GPC6: variants seen among roughly 807,000 people sequenced by gnomAD.
GPC6 encodes the protein glypican 6.
GPC6 carries 14 observed loss-of-function variants against 55.2 expected under a neutral mutation model. The ratio of observed to expected loss-of-function variants is 0.25; its 90% CI spans 0.17 to 0.40. GPC6 has a LOEUF of 0.40. GPC6 is among the 10% of genes least tolerant of loss of function. The pLI, the probability that GPC6 is intolerant of heterozygous loss-of-function variation, is 1.00. For missense variants in GPC6, 641 were observed against 708.5 expected, an observed-to-expected ratio of 0.90 and a Z score of 1.08; for synonymous variants, 278 against 259.6, an observed-to-expected ratio of 1.07 and a Z score of -0.68.
intron 2 of GPC6, among the ~76,000 whole-genome samples, chr13:93,551,603 T>G (rs542759348): frequency 7.2e-5 from 11 of 152,286 alleles, no homozygotes; most frequent in Admixed American, 6.5e-4. Context: ...ACTGTCTTCC[T>G]AAGGTTCATA....
At chr13:93,470,824 G>A (rs755814483) in intron 1 of GPC6, among the ~76,000 whole-genome samples, 18 of 150,500 alleles carry the variant, frequency 1.2e-4, no homozygotes, top group East Asian at 5.8e-4. Flanking sequence ...CTTTTAAATC[G>A]GATGATAAAT....
At chr13:93,281,772 T>C (rs1487126038) in intron 1 of GPC6, among the ~76,000 whole-genome samples, 1 of 152,162 alleles carries the variant, frequency 6.6e-6, no homozygotes, top group Admixed American at 6.5e-5. Flanking sequence ...GCCACGATCA[T>C]GCCAGTGTAC....
intron 2 of GPC6, among the ~76,000 whole-genome samples, chr13:93,787,932 A>T (rs1885866211): frequency 1.3e-5 from 2 of 152,174 alleles, no homozygotes. Context: ...TGAGACATTC[A>T]TTGCAGAAGT....
At chr13:93,887,864 A>G (rs1215873894) in intron 3 of GPC6, among the ~76,000 whole-genome samples, 3 of 152,102 alleles carry the variant, frequency 2.0e-5, no homozygotes, top group African/African-American at 4.8e-5. Context: ...TAAAAATATA[A>G]TGGACCCATA....
At chr13:93,474,472 C>G (rs1879233319) in intron 1 of GPC6, among the ~76,000 whole-genome samples, 1 of 152,096 alleles carries the variant, frequency 6.6e-6, no homozygotes, top group Non-Finnish European at 1.5e-5. Flanking sequence ...AAGCAGAGTG[C>G]TGAGACTTTA....
At chr13:93,340,281 G>A (rs1880207582) in intron 1 of GPC6, among the ~76,000 whole-genome samples, 3 of 151,894 alleles carry the variant, frequency 2.0e-5, no homozygotes, top group Admixed American at 6.6e-5. Flanking sequence ...TGATCTGCCC[G>A]CCTCGGCCTC....
intron 2 of GPC6, among the ~76,000 whole-genome samples, chr13:93,553,139 C>G (rs1455932101): frequency 6.6e-6 from 1 of 152,148 alleles, no homozygotes; most frequent in South Asian, 2.1e-4. Flanking sequence ...AAACCACTCA[C>G]TCTCTCTGGG....
rs570128283 is a variant in GPC6 at position 93,543,764 on chromosome 13, C to T, written c.161-1499C>T. Among the ~76,000 whole-genome samples, 269 of 152,148 alleles carry T rather than the reference C, an allele frequency of 1.8e-3. 2 individuals are homozygous for T. The highest frequency in any genetic ancestry group is 6.2e-3 in the African/African-American group (258 of 41,496). ...CTGATTCCATATCTTGGCTATTGTG[C>T]GTAGTGTTCCAGTAAACATGGGATG... is the stretch of plus-strand genomic sequence containing the variant. On this transcript the variant is annotated intron_variant, in intron 1 of 8. Coordinates refer to ENST00000377047, the MANE Select transcript of GPC6 (RefSeq NM_005708.5).
chr13:93,315,878 A>C (rs912277819), intron 1 of GPC6, among the ~76,000 whole-genome samples: 1 of 152,006 alleles, frequency 6.6e-6, no homozygotes, highest in Non-Finnish European at 1.5e-5. Flanking sequence ...GATGACATAT[A>C]TGAGCAAGAT....
At chr13:94,095,170 A>G (rs1885616425) in intron 4 of GPC6, among the ~76,000 whole-genome samples, 1 of 152,140 alleles carries the variant, frequency 6.6e-6, no homozygotes, top group African/African-American at 2.4e-5. Flanking sequence ...GAAGGACCCA[A>G]AGAGAAATAA....
chr13:93,441,892 CA>C (rs1243457414), intron 1 of GPC6, among the ~76,000 whole-genome samples: 2 of 152,056 alleles, frequency 1.3e-5, no homozygotes, highest in African/African-American at 2.4e-5. Flanking sequence ...CCAGTGAAGA[CA>C]AGTTATGGGC....
At chr13:93,468,745 C>T (rs1392123618) in intron 1 of GPC6, among the ~76,000 whole-genome samples, 1 of 152,148 alleles carries the variant, frequency 6.6e-6, no homozygotes, top group Non-Finnish European at 1.5e-5. Context: ...GGTAAACTAA[C>T]TGGGGCAATT....
intron 3 of GPC6, among the ~76,000 whole-genome samples, chr13:93,846,510 A>G (rs1317062460): frequency 6.6e-6 from 1 of 152,180 alleles, no homozygotes; most frequent in Non-Finnish European, 1.5e-5. Flanking sequence ...TGTGAGCCAC[A>G]TATATAATTT....
At chr13:93,684,659 T>C (rs1404628887) in intron 2 of GPC6, among the ~76,000 whole-genome samples, 6 of 152,296 alleles carry the variant, frequency 3.9e-5, no homozygotes, top group African/African-American at 1.4e-4. Context: ...TTTTATTTTT[T>C]TCACCTTTAT....
intron 2 of GPC6, among the ~76,000 whole-genome samples, chr13:93,601,239 C>A (rs1316301683): frequency 1.3e-5 from 2 of 151,746 alleles, no homozygotes; most frequent in African/African-American, 2.4e-5. Context: ...CAAAAATTAA[C>A]CAGGTGTGAT....
At chr13:93,331,470 A>C (rs1351998275) in intron 1 of GPC6, among the ~76,000 whole-genome samples, 1 of 152,200 alleles carries the variant, frequency 6.6e-6, no homozygotes, top group Non-Finnish European at 1.5e-5. Flanking sequence ...TTAGCTATGG[A>C]TATAGTTTAC....
At chr13:93,346,495 T>C (rs1880435723) in intron 1 of GPC6, among the ~76,000 whole-genome samples, 1 of 152,174 alleles carries the variant, frequency 6.6e-6, no homozygotes, top group Admixed American at 6.6e-5. Context: ...TGTAAGTGTC[T>C]GCAAGACCAT....
intron 2 of GPC6, among the ~76,000 whole-genome samples, chr13:93,760,595 T>C (rs1884924535): frequency 6.6e-6 from 1 of 152,092 alleles, no homozygotes; most frequent in Non-Finnish European, 1.5e-5. Flanking sequence ...CCTGACTATC[T>C]AAAAATGCCA....
intron 3 of GPC6, 105 bp downstream of exon 3, chr13:93,830,650 A>G (rs1887455327): frequency 2.0e-6 from 2 of 1,020,024 alleles, no homozygotes; most frequent in Admixed American, 5.3e-5. Context: ...CAAGGTAAAA[A>G]TTCTTAATTG....
Sources: gnomAD v4.1 joint callset for allele counts (sites outside exome capture counted in the v4.1 genomes callset) on GRCh38, gnomAD v4.1.1 for gene constraint, MANE v1.5 for transcripts, NCBI Gene and HGNC (gene_info 2026-07-23, HGNC 2026-07-21) for gene names.